MTUS2: variants seen among roughly 807,000 people sequenced by gnomAD.
The protein encoded by MTUS2 is microtubule associated scaffold protein 2.
In MTUS2, 40 loss-of-function variants were observed where a neutral mutation model predicts 114.1. The ratio of observed to expected loss-of-function variants is 0.35; its 90% CI spans 0.27 to 0.46. MTUS2 has a LOEUF of 0.46. Ranked by LOEUF, MTUS2 falls within the 20% of genes least tolerant of loss-of-function variation. The pLI, the probability that MTUS2 is intolerant of heterozygous loss-of-function variation, is 1.00. For synonymous variants in MTUS2, 688 were observed against 672.0 expected (o/e 1.02, Z -0.37); for missense variants, 1,679 against 1,705.4 (o/e 0.98, Z 0.27).
intron 2 of MTUS2, among the ~76,000 whole-genome samples, chr13:28,960,442 ATTG>A (rs1468661602): frequency 7.3e-6 from 1 of 137,766 alleles, no homozygotes; most frequent in Non-Finnish European, 1.5e-5. Context: ...TGTTCATAGT[ATTG>A]TTCATAACAT....
chr13:29,470,804 G>A (rs993659324), intron 9 of MTUS2, among the ~76,000 whole-genome samples: 14 of 152,056 alleles, frequency 9.2e-5, no homozygotes, highest in South Asian at 2.1e-4. Flanking sequence ...CTTTCTCTCC[G>A]CAGTATGCTA....
At chr13:29,043,693 A>G (rs1340273831) in intron 4 of MTUS2, among the ~76,000 whole-genome samples, 2 of 105,106 alleles carry the variant, frequency 1.9e-5, no homozygotes, top group Non-Finnish European at 3.9e-5. Context: ...TTATCATTAT[A>G]TAATCTTCCT....
intron 2 of MTUS2, among the ~76,000 whole-genome samples, chr13:28,899,712 A>G (rs1261094713): frequency 1.3e-5 from 2 of 151,928 alleles, no homozygotes; most frequent in Admixed American, 6.6e-5. Context: ...GCCCAGCACA[A>G]TCCAGCTGTT....
At chr13:29,239,956 A>G (rs1896673530) in intron 5 of MTUS2, 2 of 140,830 alleles carry the variant, frequency 1.4e-5, no homozygotes, top group African/African-American at 2.7e-5. Context: ...ATCCTTTGAA[A>G]ATCTGGAAAA....
intron 9 of MTUS2, among the ~76,000 whole-genome samples, chr13:29,453,577 CAG>C (rs566489994): frequency 1.9e-3 from 286 of 151,700 alleles, no homozygotes; most frequent in African/African-American, 6.7e-3. Context: ...GTAACCCAGT[CAG>C]GGGTTCAGAA....
chr13:29,030,464 C>T (rs975221342), intron 3 of MTUS2, among the ~76,000 whole-genome samples: 32 of 152,306 alleles, frequency 2.1e-4, no homozygotes, highest in South Asian at 2.1e-4. Context: ...TCTCAGGTTG[C>T]GCTGGGCTCA....
intron 9 of MTUS2, among the ~76,000 whole-genome samples, chr13:29,447,559 G>C (rs1250027294): frequency 6.6e-6 from 1 of 150,454 alleles, no homozygotes; most frequent in Non-Finnish European, 1.5e-5. Flanking sequence ...CTTAAGTTTT[G>C]GTTACCTGGC....
intron 5 of MTUS2, among the ~76,000 whole-genome samples, chr13:29,256,669 G>C (rs1402310460): frequency 6.6e-6 from 1 of 152,256 alleles, no homozygotes; most frequent in Non-Finnish European, 1.5e-5. Context: ...ATGTTTGAGA[G>C]TGTTTGCCAC....
At chr13:29,376,959 A>AAAAT (rs78290369) in intron 8 of MTUS2, among the ~76,000 whole-genome samples, 146,856 of 152,082 alleles carry the variant, frequency 0.97, 71,123 homozygotes, top group East Asian at 1. Flanking sequence ...CCACAAATGA[A>AAAAT]AAACTGGAGT....
chr13:29,238,699 C>G (rs1246867038), intron 5 of MTUS2, among the ~76,000 whole-genome samples: 6 of 152,178 alleles, frequency 3.9e-5, no homozygotes, highest in Non-Finnish European at 8.8e-5. Context: ...TCCTAGTCCA[C>G]TGATTCAAAT....
intron 1 of MTUS2, among the ~76,000 whole-genome samples, chr13:28,823,107 G>A (rs1874020826): frequency 6.6e-6 from 1 of 152,236 alleles, no homozygotes; most frequent in Non-Finnish European, 1.5e-5. Context: ...ATGCCAAGGG[G>A]AAAGGAAGGA....
At chr13:29,433,623 T>C (rs773781222) in intron 8 of MTUS2, among the ~76,000 whole-genome samples, 2 of 152,202 alleles carry the variant, frequency 1.3e-5, no homozygotes, top group Non-Finnish European at 2.9e-5. Context: ...GTATTAGTAT[T>C]GAAAACGAGT....
chr13:28,950,013 T>G (rs145836714), intron 2 of MTUS2, among the ~76,000 whole-genome samples: 1 of 152,360 alleles, frequency 6.6e-6, no homozygotes, highest in Non-Finnish European at 1.5e-5. Flanking sequence ...TATTTTAAAT[T>G]TCTTGAAGAA....
chr13:29,100,931 G>T lies in MTUS2; in HGVS notation c.2605G>T (p.Gly869Trp). 1 of 1,577,478 alleles carries T rather than the reference G, an allele frequency of 6.3e-7. No individual in the cohort carries two copies. Among genetic ancestry groups the T allele is most frequent in the Non-Finnish European group, 8.6e-7 (1 of 1,161,320 alleles). The change falls in exon 5 of 16, where the codon GGG becomes TGG. Residue 869 changes from glycine to tryptophan, a missense_variant. Physicochemically the swap from Gly to Trp is radical, Grantham distance 184. Transcript: ENST00000612955. ...CTCCTCAGTCTCCAGCACCCAGTCC[G>T]GGGACAGTGCACAGCCAGAGCAGGG... The part of the protein sequence containing the change: ...SVSSVSSTQS[G>W]DSAQPEQGRP...
chr13:28,990,120 CTA>C (rs1045458226), intron 2 of MTUS2, among the ~76,000 whole-genome samples: 9 of 152,258 alleles, frequency 5.9e-5, no homozygotes, highest in African/African-American at 2.2e-4. Context: ...CAACATGTAT[CTA>C]TGAATTGCTC....
At chr13:28,826,532 CAA>C (rs1874281998) in intron 1 of MTUS2, among the ~76,000 whole-genome samples, 1 of 152,134 alleles carries the variant, frequency 6.6e-6, no homozygotes. Flanking sequence ...CATAGAAAAA[CAA>C]AAGAGTGTTT....
At chr13:28,950,342 G>T (rs1265718752) in intron 2 of MTUS2, among the ~76,000 whole-genome samples, 1 of 152,134 alleles carries the variant, frequency 6.6e-6, no homozygotes, top group Non-Finnish European at 1.5e-5. Flanking sequence ...GGGCATTCGG[G>T]TATTAATCGT....
At position 29,026,855 on chromosome 13, in the gene MTUS2, GC is replaced by G; in HGVS notation, c.2162del (p.Pro721ArgfsTer8). The G allele has an allele frequency of 1.9e-6, 3 of 1,605,000 alleles. No homozygotes were observed. The highest frequency in any genetic ancestry group is 2.2e-5 in the East Asian group (1 of 44,878). ...SSGLMVSGIK[P>X]PGHPFSQMSE... ...CCGGATTGATGGTGTCTGGAATCAA[GC>G]CCCCGGGACATCCTTTCAGTCAAAT... On this transcript the variant is annotated frameshift_variant, in exon 3 of 16. Transcript: ENST00000612955. LOFTEE classifies it high-confidence loss of function.
At chr13:28,962,260 C>G (rs913644024) in intron 2 of MTUS2, among the ~76,000 whole-genome samples, 6 of 152,038 alleles carry the variant, frequency 3.9e-5, no homozygotes, top group Non-Finnish European at 8.8e-5. Context: ...CCAGTCAAGT[C>G]AAGAGTCTAG....
Sources: gnomAD v4.1 joint callset for allele counts (sites outside exome capture counted in the v4.1 genomes callset) on GRCh38, gnomAD v4.1.1 for gene constraint, MANE v1.5 for transcripts, NCBI Gene and HGNC (gene_info 2026-07-23, HGNC 2026-07-21) for gene names.